The following FBXW7 variants were observed in gnomAD, a reference collection of about 807,000 sequenced individuals.
FBXW7 encodes F-box and WD repeat domain containing 7, also known as F-box/WD repeat-containing protein 7.
A neutral mutation model predicts 86.3 loss-of-function variants in FBXW7; 11 were observed. The observed-to-expected ratio is 0.13, with a 90% CI of 0.08 to 0.21. FBXW7 has a LOEUF of 0.21. Among genes scored for constraint, FBXW7 ranks in the 10% least tolerant of loss-of-function variants. The pLI, the probability that FBXW7 is intolerant of heterozygous loss-of-function variation, is 1.00. For missense variants in FBXW7, 488 were observed against 847.4 expected (o/e 0.58, Z 5.27); for synonymous variants, 313 against 297.9 (o/e 1.05, Z -0.52).
intron 2 of FBXW7, among the ~76,000 whole-genome samples, chr4:152,506,996 C>T (rs1259605863): frequency 6.6e-6 from 1 of 152,212 alleles, no homozygotes; most frequent in East Asian, 1.9e-4. Context: ...TAGTTAAAAT[C>T]TCAAATATCT....
At chr4:152,440,936 T>G (rs1740838068) in intron 2 of FBXW7, among the ~76,000 whole-genome samples, 1 of 151,486 alleles carries the variant, frequency 6.6e-6, no homozygotes, top group Non-Finnish European at 1.5e-5. Flanking sequence ...TTTATACGGT[T>G]TTTTTTTTTC....
At chr4:152,376,342 T>C (rs1579036550) in intron 4 of FBXW7, among the ~76,000 whole-genome samples, 1 of 152,128 alleles carries the variant, frequency 6.6e-6, no homozygotes, top group South Asian at 2.1e-4. Flanking sequence ...TTTGGGTATG[T>C]ATAAAATCTT....
intron 5 of FBXW7, among the ~76,000 whole-genome samples, chr4:152,349,141 A>G (rs1731555653): frequency 6.6e-6 from 1 of 152,068 alleles, no homozygotes. Context: ...AAAAAATTAT[A>G]TCTGAGCAAT....
chr4:152,502,489 T>C (rs949351138), intron 2 of FBXW7, among the ~76,000 whole-genome samples: 8 of 152,278 alleles, frequency 5.3e-5, no homozygotes, highest in African/African-American at 1.9e-4. Context: ...TTTTCACAAA[T>C]AACACAAGTT....
intron 2 of FBXW7, among the ~76,000 whole-genome samples, chr4:152,430,373 T>C (rs1217294290): frequency 6.6e-6 from 1 of 152,224 alleles, no homozygotes; most frequent in Non-Finnish European, 1.5e-5. Flanking sequence ...AATACTGTTC[T>C]ATAACCTGAA....
At chr4:152,515,756 T>A (rs968530274) in intron 2 of FBXW7, among the ~76,000 whole-genome samples, 1 of 150,764 alleles carries the variant, frequency 6.6e-6, no homozygotes, top group African/African-American at 2.4e-5. Context: ...CAACTCTCTT[T>A]TTTTTTTTTT....
At chr4:152,511,285 G>T (rs1747940664) in intron 2 of FBXW7, among the ~76,000 whole-genome samples, 1 of 146,724 alleles carries the variant, frequency 6.8e-6, no homozygotes, top group African/African-American at 2.5e-5. Flanking sequence ...TCCTGACACA[G>T]CCCCCCGCCC....
intron 2 of FBXW7, chr4:152,530,136 C>CGTATATATAT (rs1749894514): frequency 6.8e-6 from 1 of 147,482 alleles, no homozygotes; most frequent in African/African-American, 2.5e-5. Flanking sequence ...TATATATATA[C>CGTATATATAT]GTATATATAT....
intron 4 of FBXW7, among the ~76,000 whole-genome samples, chr4:152,393,840 T>C (rs1159853339): frequency 1.3e-5 from 2 of 152,082 alleles, no homozygotes; most frequent in Non-Finnish European, 2.9e-5. Flanking sequence ...AAAAACCAAC[T>C]GACAGAAGGA....
At chr4:152,379,231 G>T (rs1326211264) in intron 4 of FBXW7, among the ~76,000 whole-genome samples, 1 of 151,830 alleles carries the variant, frequency 6.6e-6, no homozygotes, top group Non-Finnish European at 1.5e-5. Flanking sequence ...ATAAAAAATA[G>T]TTATTTTTCT....
Position 152,396,444 on chromosome 4 carries a change from T to A in FBXW7, c.501+14859A>T, listed in dbSNP as rs536354052. Among the ~76,000 whole-genome samples the A allele has an allele frequency of 1.8e-4, 28 of 152,090 alleles. 2 individuals are homozygous for A. In the South Asian group the frequency reaches 5.4e-3, roughly 29 times the overall value. ...CATATCTTAGAAAAATAATGGCAATTCTTTGAGTGCTCAGCAATACTGTTA... is the reference window on the plus strand; with the variant it reads ...CATATCTTAGAAAAATAATGGCAATACTTTGAGTGCTCAGCAATACTGTTA... On this transcript the variant is annotated intron_variant, in intron 4 of 13. Coordinates refer to ENST00000281708, the MANE Select transcript of FBXW7 (RefSeq NM_001349798.2).
At chr4:152,392,263 G>A (rs1360752664) in intron 4 of FBXW7, among the ~76,000 whole-genome samples, 1 of 151,960 alleles carries the variant, frequency 6.6e-6, no homozygotes, top group Non-Finnish European at 1.5e-5. Flanking sequence ...GTGACTGTTT[G>A]GACCATTAGA....
chr4:152,489,464 T>A (rs1248741419), intron 2 of FBXW7: 4 of 152,764 alleles, frequency 2.6e-5, no homozygotes, highest in Non-Finnish European at 4.4e-5. Flanking sequence ...ATACTCAGTA[T>A]AACTATATAC....
intron 2 of FBXW7, among the ~76,000 whole-genome samples, chr4:152,420,634 T>G (rs142894232): frequency 3.3e-5 from 5 of 152,310 alleles, no homozygotes; most frequent in Admixed American, 6.5e-5. Flanking sequence ...GTTATTATGT[T>G]TATCAAGCAT....
chr4:152,485,862 T>C (rs1207315422), intron 2 of FBXW7, among the ~76,000 whole-genome samples: 1 of 152,190 alleles, frequency 6.6e-6, no homozygotes, highest in African/African-American at 2.4e-5. Context: ...TTTTAACAAT[T>C]TGAGTCACCA....
At chr4:152,445,909 TTAAAAAAAAAA>T (rs1351985620) in intron 2 of FBXW7, among the ~76,000 whole-genome samples, 1 of 67,000 alleles carries the variant, frequency 1.5e-5, no homozygotes, top group Non-Finnish European at 2.9e-5. Flanking sequence ...GACTCTGTCT[TTAAAAAAAAAA>T]AAAAAAAAAA....
Position 152,321,371 on chromosome 4 carries a change from T to C in FBXW7, c.*1510A>G, listed in dbSNP as rs1001972681. 1 of 232,874 alleles carries C rather than the reference T, an allele frequency of 4.3e-6. No individual in the cohort carries two copies. The highest frequency in any genetic ancestry group is 2.2e-5 in the African/African-American group (1 of 45,316). 14.4% of individuals were successfully genotyped at this position (232,874 alleles called of 1,614,324 possible). A position where few individuals can be genotyped will look rare whatever the true frequency, so the allele number is the denominator to read the frequency against. On this transcript the variant is annotated 3_prime_UTR_variant, in exon 14 of 14. Coordinates refer to ENST00000281708, the MANE Select transcript of FBXW7 (RefSeq NM_001349798.2). ...GGTTGTTTTCCTCCATCATGTCAGG[T>C]TGTTACATAACTAAAATTAACCAAC...
intron 4 of FBXW7, chr4:152,352,425 A>T: frequency 6.2e-7 from 1 of 1,611,220 alleles, no homozygotes; most frequent in Non-Finnish European, 8.5e-7. Context: ...TCAGGCAGGC[A>T]TACACACACA....
At chr4:152,432,390 A>C (rs1447262664) in intron 2 of FBXW7, among the ~76,000 whole-genome samples, 3 of 152,254 alleles carry the variant, frequency 2.0e-5, no homozygotes, top group Non-Finnish European at 4.4e-5. Context: ...TTACAGACAG[A>C]GATGTTTTTA....
Sources: gnomAD v4.1 joint callset for allele counts (sites outside exome capture counted in the v4.1 genomes callset) on GRCh38, gnomAD v4.1.1 for gene constraint, MANE v1.5 for transcripts, NCBI Gene and HGNC (gene_info 2026-07-23, HGNC 2026-07-21) for gene names.